The following ARFGAP1 variants were observed in gnomAD, a reference collection of about 807,000 sequenced individuals.
ARFGAP1 encodes the protein ARF GTPase activating protein 1, also known as ADP-ribosylation factor GTPase-activating protein 1.
A neutral mutation model predicts 54.0 loss-of-function variants in ARFGAP1; 26 were observed. The ratio of observed to expected loss-of-function variants is 0.48; its 90% CI spans 0.35 to 0.67. The LOEUF (loss-of-function observed/expected upper bound fraction) is 0.67, where lower values mean the gene tolerates loss of function less well. Ranked by LOEUF, ARFGAP1 falls within the 30% of genes least tolerant of loss-of-function variation. The probability of loss-of-function intolerance (pLI) is 0.00; values close to 1 mark genes in which losing one functional copy is unlikely to be tolerated. For synonymous variants in ARFGAP1, 248 were observed against 211.9 expected (o/e 1.17, Z -1.48); for missense variants, 525 against 535.8 (o/e 0.98, Z 0.20).
At chr20:63,283,757 C>A in intron 9 of ARFGAP1, 3 of 1,414,340 alleles carry the variant, frequency 2.1e-6, no homozygotes, top group East Asian at 4.7e-5. Context: ...CTTAGTGTTG[C>A]GGCACCCCAT....
chr20:63,283,202 TGG>T, intron 9 of ARFGAP1: 1 of 410,806 alleles, frequency 2.4e-6, no homozygotes, highest in South Asian at 2.9e-5. Context: ...CCGCTGTGGT[TGG>T]TGCTGTGCCT....
intron 1 of ARFGAP1, 66 bp from the exon 2 acceptor site, chr20:63,275,511 C>G: frequency 6.8e-7 from 1 of 1,476,382 alleles, no homozygotes; most frequent in Non-Finnish European, 9.4e-7. Flanking sequence ...TTTGGACAGA[C>G]GTTATTTTCT....
At chr20:63,286,567 G>A (rs942199740) in intron 12 of ARFGAP1, 125 bp downstream of exon 12, 37 of 946,214 alleles carry the variant, frequency 3.9e-5, no homozygotes, top group Admixed American at 5.0e-5. Flanking sequence ...GAGGCTCTCC[G>A]GGAGGTGGCT....
chr20:63,284,495 G>A lies in ARFGAP1; in HGVS notation c.718-371G>A, dbSNP rs1023949584. On this transcript the variant is annotated intron_variant, in intron 9 of 12. Transcript: ENST00000370283. ...GGGGACTCGGTGCCTGCCTGGGGAG[G>A]AAGGAGAGGCGTTGCAGGTCAGCAT... 17 of 1,123,884 alleles carry A rather than the reference G, an allele frequency of 1.5e-5. No homozygotes were observed. In the African/African-American group the frequency reaches 2.7e-4, roughly 18 times the overall value. The allele number at this position is 1,123,884 out of a possible 1,614,324, so 69.6% of individuals were successfully genotyped here.
intron 7 of ARFGAP1, chr20:63,279,409 T>C (rs2067321088): frequency 1.7e-5 from 6 of 343,404 alleles, no homozygotes; most frequent in South Asian, 1.1e-4. Flanking sequence ...TTTCACCAGG[T>C]TGGCCAGGTT....
intron 1 of ARFGAP1, 129 bp from the exon 2 acceptor site, chr20:63,275,448 G>A: frequency 1.2e-6 from 1 of 840,496 alleles, no homozygotes; most frequent in Non-Finnish European, 1.9e-6. Flanking sequence ...CTGTGACCGG[G>A]GCTTCCAAGC....
intron 9 of ARFGAP1, chr20:63,283,829 G>A (rs2067450204): frequency 1.9e-6 from 3 of 1,613,568 alleles, no homozygotes; most frequent in African/African-American, 2.7e-5. Flanking sequence ...CTCCTCACCT[G>A]TCTTCTTGCT....
At chr20:63,284,090 T>C in intron 9 of ARFGAP1, 1 of 1,348,008 alleles carries the variant, frequency 7.4e-7, no homozygotes, top group Non-Finnish European at 9.5e-7. Context: ...CCCTGCGCAG[T>C]ACCACTGCGC....
intron 10 of ARFGAP1, 133 bp downstream of exon 10, chr20:63,285,055 C>A: frequency 1.8e-6 from 2 of 1,083,774 alleles, no homozygotes; most frequent in Non-Finnish European, 2.7e-6. Context: ...CCCACCTCTC[C>A]AGCACAGGCG....
chr20:63,283,920 C>T (rs775988495), intron 9 of ARFGAP1: 30 of 1,610,958 alleles, frequency 1.9e-5, no homozygotes, highest in Middle Eastern at 1.6e-4. Context: ...CCCGCATCTC[C>T]GCCGAGAATG....
intron 6 of ARFGAP1, 57 bp downstream of exon 6, chr20:63,278,260 T>TGTG: frequency 1.3e-6 from 2 of 1,577,012 alleles, no homozygotes; most frequent in Non-Finnish European, 1.7e-6. Flanking sequence ...GGGTTCAGTC[T>TGTG]GGTGGGTAGG....
At chr20:63,279,070 G>C in intron 7 of ARFGAP1, 75 bp downstream of exon 7, 1 of 1,418,378 alleles carries the variant, frequency 7.1e-7, no homozygotes, top group Non-Finnish European at 9.9e-7. Context: ...ATAGTGGGCA[G>C]TGTGGCAGTC....
Position 63,287,950 on chromosome 20 carries a change from C to A in ARFGAP1, c.*77C>A. On this transcript the variant is annotated 3_prime_UTR_variant, in exon 13 of 13. Coordinates refer to ENST00000370283, the MANE Select transcript of ARFGAP1 (RefSeq NM_018209.4). ...TCTGCCCTCGTCGTTCCTCCTCCTT[C>A]CATTTGACCCAAGAATCAGCAACTG... 8 of 1,406,476 alleles carry A rather than the reference C, an allele frequency of 5.7e-6. No homozygotes were observed. The highest frequency in any genetic ancestry group is 7.5e-6 in the Non-Finnish European group (8 of 1,066,916). The allele number at this position is 1,406,476 out of a possible 1,614,324, so 87.1% of individuals were successfully genotyped here.
intron 9 of ARFGAP1, chr20:63,284,122 G>A: frequency 7.5e-7 from 1 of 1,341,506 alleles, no homozygotes; most frequent in African/African-American, 1.5e-5. Flanking sequence ...AAAAAAATGA[G>A]ACCCCCATCT....
rs772410675 is a variant in ARFGAP1, at chr20:63,286,473, C to T, written c.911+31C>T. The T allele has an allele frequency of 1.1e-5, 18 of 1,600,788 alleles. No individual in the cohort carries two copies. In the East Asian group the frequency reaches 3.8e-4, roughly 34 times the overall value. On this transcript the variant is annotated intron_variant, in intron 12 of 12. Coordinates refer to ENST00000370283, the MANE Select transcript of ARFGAP1 (RefSeq NM_018209.4). ...CTGTGTCCCCTCCTGGGCCTTGCAT[C>T]CCACTCCCCTGCCTTGGCCACTCCT...
At chr20:63,286,006 G>C in intron 11 of ARFGAP1, 2 of 1,539,482 alleles carry the variant, frequency 1.3e-6, no homozygotes, top group Non-Finnish European at 1.8e-6. Context: ...GCTGCCATCA[G>C]TCCCACTGCT....
At chr20:63,277,763 G>A (rs919428184) in intron 5 of ARFGAP1, among the ~76,000 whole-genome samples, 10 of 152,248 alleles carry the variant, frequency 6.6e-5, no homozygotes, top group Non-Finnish European at 1.3e-4. Context: ...GAGCCCTGTA[G>A]TCCTGCCACA....
At chr20:63,282,777 C>A in intron 8 of ARFGAP1, 42 bp from the exon 9 acceptor site, 1 of 1,610,872 alleles carries the variant, frequency 6.2e-7, no homozygotes, top group Non-Finnish European at 8.5e-7. Flanking sequence ...CCTGGCAGCC[C>A]ATGTTAAGTC....
intron 11 of ARFGAP1, chr20:63,286,130 G>A: frequency 6.5e-7 from 1 of 1,550,234 alleles, no homozygotes. Context: ...TGTGGTGGGA[G>A]CTCTTGAGGT....
Sources: gnomAD v4.1 joint callset for allele counts (sites outside exome capture counted in the v4.1 genomes callset) on GRCh38, gnomAD v4.1.1 for gene constraint, MANE v1.5 for transcripts, NCBI Gene and HGNC (gene_info 2026-07-23, HGNC 2026-07-21) for gene names.